Variants in EPHA6 observed in about 807,000 individuals in gnomAD.
The protein encoded by EPHA6 is ephrin type-A receptor 6.
In EPHA6, 50 loss-of-function variants were observed where a neutral mutation model predicts 112.0. The ratio of observed to expected loss-of-function variants is 0.45; its 90% CI spans 0.36 to 0.56. The LOEUF is 0.56. EPHA6 is among the 20% of genes least tolerant of loss of function. The probability of loss-of-function intolerance (pLI) is 0.00; values close to 1 mark genes in which losing one functional copy is unlikely to be tolerated. For missense variants in EPHA6, 1,280 were observed against 1,417.4 expected, an observed-to-expected ratio of 0.90 and a Z score of 1.56; for synonymous variants, 529 against 490.7, an observed-to-expected ratio of 1.08 and a Z score of -1.03.
chr3:97,335,683 A>G (rs1354920595), intron 5 of EPHA6, among the ~76,000 whole-genome samples: 3 of 152,058 alleles, frequency 2.0e-5, no homozygotes, highest in Non-Finnish European at 4.4e-5. Flanking sequence ...CACCCAACAT[A>G]TTTCACCTTG....
At chr3:97,746,595 A>G (rs1431947200) in intron 16 of EPHA6, among the ~76,000 whole-genome samples, 3 of 151,734 alleles carry the variant, frequency 2.0e-5, no homozygotes, top group Non-Finnish European at 3.0e-5. Flanking sequence ...TTGCATATAA[A>G]TATGTGTATG....
At chr3:97,641,537 A>G (rs1056880014) in intron 14 of EPHA6, among the ~76,000 whole-genome samples, 1 of 152,350 alleles carries the variant, frequency 6.6e-6, no homozygotes, top group South Asian at 2.1e-4. Context: ...TACCGGGTTC[A>G]TCTCACTAGG....
intron 5 of EPHA6, among the ~76,000 whole-genome samples, chr3:97,254,689 T>C (rs1042902660): frequency 2.0e-5 from 3 of 152,218 alleles, no homozygotes; most frequent in Non-Finnish European, 4.4e-5. Context: ...AAGACGCACA[T>C]ATGCCCTTCT....
rs1238604141 is a variant in EPHA6 at position 96,832,944 on chromosome 3, T to C, written c.385+17936T>C. ...ATATTTATGTAATCCTCACAACCCT[T>C]TAAAGTTATATTATCATTATTATAT... On this transcript the variant is annotated intron_variant, in intron 1 of 17. Coordinates refer to ENST00000389672, the MANE Select transcript of EPHA6 (RefSeq NM_001080448.3). 2.6e-5 allele frequency among the ~76,000 whole-genome samples: 4 copies of C among 151,810 alleles called. No individual in the cohort carries two copies. The East Asian group carries it at 7.8e-4, about 29-fold the overall frequency.
At chr3:97,249,503 T>C (rs879865595) in intron 5 of EPHA6, among the ~76,000 whole-genome samples, 8 of 152,174 alleles carry the variant, frequency 5.3e-5, no homozygotes, top group Admixed American at 5.2e-4. Flanking sequence ...AATTGAATAC[T>C]ATAGGAAAGG....
chr3:97,176,692 T>C (rs537066288), intron 3 of EPHA6, among the ~76,000 whole-genome samples: 11 of 152,114 alleles, frequency 7.2e-5, no homozygotes, highest in African/African-American at 2.6e-4. Flanking sequence ...TAGTTGCTCA[T>C]AGTAGCCACT....
intron 6 of EPHA6, among the ~76,000 whole-genome samples, chr3:97,421,509 C>A (rs1442416009): frequency 2.0e-5 from 3 of 151,864 alleles, no homozygotes; most frequent in Non-Finnish European, 2.9e-5. Context: ...CAAATACAGC[C>A]CACATTTGTA....
At chr3:97,440,200 G>T (rs902303312) in intron 6 of EPHA6, among the ~76,000 whole-genome samples, 1 of 152,072 alleles carries the variant, frequency 6.6e-6, no homozygotes, top group Non-Finnish European at 1.5e-5. Context: ...ATTTATTTAA[G>T]ATGTCTAATT....
intron 6 of EPHA6, among the ~76,000 whole-genome samples, chr3:97,418,162 C>T (rs747199490): frequency 6.6e-6 from 1 of 150,924 alleles, no homozygotes; most frequent in Non-Finnish European, 1.5e-5. Context: ...TAAGAAAAAA[C>T]TCAATAAATA....
At chr3:97,268,223 T>G (rs2079757810) in intron 5 of EPHA6, among the ~76,000 whole-genome samples, 1 of 152,192 alleles carries the variant, frequency 6.6e-6, no homozygotes, top group African/African-American at 2.4e-5. Flanking sequence ...GAAAAAGCTT[T>G]CTTTTCTAAT....
At chr3:97,586,637 A>G (rs2093491031) in intron 11 of EPHA6, among the ~76,000 whole-genome samples, 1 of 152,148 alleles carries the variant, frequency 6.6e-6, no homozygotes, top group African/African-American at 2.4e-5. Flanking sequence ...GATAAATGAA[A>G]TTAGATAGGA....
At chr3:97,694,811 C>T (rs1216116309) in intron 14 of EPHA6, among the ~76,000 whole-genome samples, 1 of 152,172 alleles carries the variant, frequency 6.6e-6, no homozygotes, top group Non-Finnish European at 1.5e-5. Flanking sequence ...TAAAATTGAA[C>T]TTTAAGAAGC....
chr3:97,638,136 T>C, intron 14 of EPHA6, 54 bp downstream of exon 14: 1 of 1,336,146 alleles, frequency 7.5e-7, no homozygotes, highest in Non-Finnish European at 1.0e-6. Flanking sequence ...TTGTTTTTAA[T>C]GTCATTAGAG....
intron 15 of EPHA6, among the ~76,000 whole-genome samples, chr3:97,728,443 A>C (rs1045838292): frequency 6.6e-6 from 1 of 152,206 alleles, no homozygotes; most frequent in South Asian, 2.1e-4. Flanking sequence ...AAATCTTCCT[A>C]GCTTTACTTT....
intron 3 of EPHA6, among the ~76,000 whole-genome samples, chr3:97,210,678 C>T (rs979885272): frequency 6.6e-6 from 1 of 152,074 alleles, no homozygotes; most frequent in Non-Finnish European, 1.5e-5. Context: ...TGGCTTTTTC[C>T]ATATGGCCTT....
intron 3 of EPHA6, among the ~76,000 whole-genome samples, chr3:97,111,417 C>T (rs1237063795): frequency 2.0e-5 from 3 of 152,002 alleles, no homozygotes; most frequent in Non-Finnish European, 2.9e-5. Context: ...TATGTGCTAT[C>T]ATAGCTTCAA....
intron 6 of EPHA6, among the ~76,000 whole-genome samples, chr3:97,442,711 G>A (rs2090178496): frequency 6.6e-6 from 1 of 152,124 alleles, no homozygotes; most frequent in Non-Finnish European, 1.5e-5. Context: ...TCAGAAGATT[G>A]CAACATTAAA....
intron 3 of EPHA6, among the ~76,000 whole-genome samples, chr3:97,113,799 T>G (rs565753335): frequency 6.6e-6 from 1 of 152,204 alleles, no homozygotes; most frequent in Non-Finnish European, 1.5e-5. Context: ...CTTTCAAAAA[T>G]TGCCTAGTAG....
chr3:97,337,651 A>G (rs188479135), intron 5 of EPHA6, among the ~76,000 whole-genome samples: 7 of 152,290 alleles, frequency 4.6e-5, no homozygotes, highest in African/African-American at 1.7e-4. Context: ...GGTAGCAAGG[A>G]GGAAACTTTA....
Sources: allele counts gnomAD v4.1 joint callset (sites outside exome capture counted in the v4.1 genomes callset), GRCh38; gene constraint gnomAD v4.1.1; transcripts MANE v1.5; gene names NCBI Gene and HGNC (gene_info 2026-07-23, HGNC 2026-07-21).